FNIP1: variants seen among roughly 807,000 people sequenced by gnomAD.
The protein encoded by FNIP1 is folliculin interacting protein 1.
FNIP1 carries 40 observed loss-of-function variants against 124.5 expected under a neutral mutation model. The ratio of observed to expected loss-of-function variants is 0.32; its 90% CI spans 0.25 to 0.42. The LOEUF (loss-of-function observed/expected upper bound fraction) is 0.42. FNIP1 is among the 10% of genes least tolerant of loss of function. FNIP1 has a pLI of 1.00. For missense variants in FNIP1, 1,176 were observed against 1,403.7 expected, an observed-to-expected ratio of 0.84 and a Z score of 2.59; for synonymous variants, 472 against 470.6, an observed-to-expected ratio of 1.00 and a Z score of -0.04.
intron 1 of FNIP1, among the ~76,000 whole-genome samples, chr5:131,758,046 T>C (rs894095825): frequency 6.6e-6 from 1 of 152,156 alleles, no homozygotes; most frequent in South Asian, 2.1e-4. Flanking sequence ...TAGAAAGAAG[T>C]TGTGACATGG....
rs575521993 is a variant in FNIP1, at chr5:131,710,593, C to T, written c.691G>A (p.Ala231Thr). The T allele has an allele frequency of 1.1e-5, 17 of 1,613,508 alleles. No homozygotes were observed. Among genetic ancestry groups the T allele is most frequent in the East Asian group, 8.9e-5 (4 of 44,864 alleles). Residue 231 changes from alanine to threonine, a missense_variant, in exon 7 of 18, where the codon GCC becomes ACC. Ala to Thr is a moderately conservative substitution (Grantham distance 58, BLOSUM62 0). This residue lies in a region of FNIP1 where 1,109 missense variants were observed against 1,288.5 expected (regional missense o/e 0.86). Transcript: ENST00000510461. ...CATCGCAAACCTGCAAAGAAAGAGG[C>T]GCTCCTGATCAGGCGGAGCGGACCC... is the stretch of plus-strand genomic sequence containing the variant. Reference protein sequence around the residue: ...EQGPLRLIRSASFFAVHSNPM... With the variant: ...EQGPLRLIRSTSFFAVHSNPM...
Position 131,670,521 on chromosome 5 carries a change from A to G in FNIP1, c.3050T>C (p.Ile1017Thr), listed in dbSNP as rs775092311. ...CTGACGGAACCTCTCATCACTCCCA[A>G]TTCCTTGAAGAACAAAGTCAGGCAC... ...SYVPDFVLQG[I>T]GSDERFRQCL... Residue 1017 changes from isoleucine to threonine, a missense_variant, in exon 15 of 18, where the codon ATT becomes ACT. By Grantham distance (89) the Ile-to-Thr change is moderately conservative. Around this residue, in one of 2 missense-constraint regions of FNIP1, gnomAD observed 1,109 missense variants for 1,288.5 expected, o/e 0.86. Coordinates refer to ENST00000510461, the MANE Select transcript of FNIP1 (RefSeq NM_133372.3). 2 of 1,613,698 alleles carry G rather than the reference A, an allele frequency of 1.2e-6. No individual in the cohort carries two copies. Among genetic ancestry groups the G allele is most frequent in the East Asian group, 2.2e-5 (1 of 44,856 alleles).
At chr5:131,683,413 C>A (rs1038806026) in intron 11 of FNIP1, among the ~76,000 whole-genome samples, 27 of 151,836 alleles carry the variant, frequency 1.8e-4, no homozygotes, top group African/African-American at 6.3e-4. Flanking sequence ...ATTAGCCAGG[C>A]GTGGTGGTGG....
chr5:131,729,705 G>A (rs940464071), intron 3 of FNIP1, among the ~76,000 whole-genome samples: 1 of 151,772 alleles, frequency 6.6e-6, no homozygotes, highest in Non-Finnish European at 1.5e-5. Flanking sequence ...AGCCTCCTGA[G>A]TAGCTGGGAC....
At chr5:131,737,323 A>G (rs1028821006) in intron 2 of FNIP1, among the ~76,000 whole-genome samples, 2 of 152,200 alleles carry the variant, frequency 1.3e-5, no homozygotes, top group Non-Finnish European at 2.9e-5. Flanking sequence ...TGATGGGAGA[A>G]TAGTATGTGT....
chr5:131,787,368 C>T (rs988655500), intron 1 of FNIP1, among the ~76,000 whole-genome samples: 3 of 152,018 alleles, frequency 2.0e-5, no homozygotes, highest in African/African-American at 4.8e-5. Flanking sequence ...TGTGAGAACT[C>T]GAGTTTGAAA....
chr5:131,653,001 G>C, intron 15 of FNIP1, among the ~76,000 whole-genome samples: 1 of 152,000 alleles, frequency 6.6e-6, no homozygotes, highest in East Asian at 1.9e-4. Flanking sequence ...AAAGAAACAA[G>C]ACTTATTCAC....
At chr5:131,706,344 A>C in intron 9 of FNIP1, 67 bp downstream of exon 9, 1 of 1,439,140 alleles carries the variant, frequency 6.9e-7, no homozygotes, top group East Asian at 2.4e-5. Flanking sequence ...CAGGTTCTAA[A>C]AAACCCATAT....
intron 1 of FNIP1, among the ~76,000 whole-genome samples, chr5:131,752,593 A>T (rs907364887): frequency 1.3e-5 from 2 of 151,672 alleles, no homozygotes; most frequent in Non-Finnish European, 2.9e-5. Context: ...TGCAATGCAC[A>T]TATCTGATAA....
At chr5:131,676,239 T>C (rs2149516813) in intron 13 of FNIP1, among the ~76,000 whole-genome samples, 1 of 152,250 alleles carries the variant, frequency 6.6e-6, no homozygotes, top group East Asian at 1.9e-4. Flanking sequence ...GGTCTCGATC[T>C]CCTGCCCTCA....
rs1767789355 is a variant in FNIP1 at position 131,672,454 on chromosome 5, T to C, written c.1990A>G (p.Lys664Glu). ...GTTCTTAATTTATCTCTGTACTGTT[T>C]AACATCAACAGCATTTTCTTCTTGG... ...DCQEENAVDVKQYRDKLRTCF... is the reference protein window; with the variant it reads ...DCQEENAVDVEQYRDKLRTCF... Residue 664 changes from lysine (K) to glutamate (E), a missense_variant, in exon 14 of 18, where the codon AAA (lysine) becomes GAA (glutamate). Physicochemically the swap from Lys to Glu is moderately conservative, Grantham distance 56. Around this residue, in one of 2 missense-constraint regions of FNIP1, gnomAD observed 1,109 missense variants for 1,288.5 expected, o/e 0.86. Coordinates refer to ENST00000510461, the MANE Select transcript of FNIP1 (RefSeq NM_133372.3). 1.2e-6 allele frequency: 2 copies of C among 1,613,598 alleles called. No individual in the cohort carries two copies. The highest frequency in any genetic ancestry group is 4.5e-5 in the East Asian group (2 of 44,890).
chr5:131,783,857 C>G (rs1018074944), intron 1 of FNIP1, among the ~76,000 whole-genome samples: 2 of 151,986 alleles, frequency 1.3e-5, no homozygotes, highest in African/African-American at 4.8e-5. Flanking sequence ...AAAGATAGAA[C>G]AAAGACATTT....
intron 1 of FNIP1, among the ~76,000 whole-genome samples, chr5:131,764,784 C>T (rs1266462685): frequency 2.0e-5 from 3 of 151,912 alleles, no homozygotes; most frequent in African/African-American, 4.8e-5. Context: ...TTTGTAGAAT[C>T]GAGGACTAGA....
chr5:131,686,643 A>G (rs1008830570), intron 11 of FNIP1, among the ~76,000 whole-genome samples: 5 of 152,226 alleles, frequency 3.3e-5, no homozygotes, highest in Admixed American at 3.3e-4. Flanking sequence ...GGTATCCACC[A>G]TCTTAAGAAT....
chr5:131,713,326 G>A (rs1769361600), intron 6 of FNIP1, among the ~76,000 whole-genome samples: 2 of 152,130 alleles, frequency 1.3e-5, no homozygotes, highest in South Asian at 2.1e-4. Flanking sequence ...GATTACAGGC[G>A]TGAGCCACCG....
At chr5:131,748,295 A>G (rs1770749816) in intron 1 of FNIP1, among the ~76,000 whole-genome samples, 1 of 152,172 alleles carries the variant, frequency 6.6e-6, no homozygotes, top group Non-Finnish European at 1.5e-5. Flanking sequence ...ACAAAGTATT[A>G]CGCACATGTC....
chr5:131,662,436 G>A (rs1473161568), intron 15 of FNIP1, among the ~76,000 whole-genome samples: 2 of 152,332 alleles, frequency 1.3e-5, no homozygotes, highest in East Asian at 1.9e-4. Flanking sequence ...TAATGACATG[G>A]TTAGTCTTAG....
chr5:131,761,559 T>C (rs1771231740), intron 1 of FNIP1, among the ~76,000 whole-genome samples: 1 of 151,958 alleles, frequency 6.6e-6, no homozygotes, highest in African/African-American at 2.4e-5. Flanking sequence ...ACCAAAGAAG[T>C]GAAAGGTCTC....
rs1469647546 is a variant in FNIP1, at chr5:131,698,796, T to G, written c.1202+121A>C. 6 of 737,794 alleles carry G rather than the reference T, an allele frequency of 8.1e-6. No homozygotes were observed. In the Admixed American group the frequency reaches 1.9e-4, roughly 23 times the overall value. 45.7% of individuals were successfully genotyped at this position (737,794 alleles called of 1,614,324 possible). ...CATAGGAGCCAATGGTCTACTGAAT[T>G]ACACCATCATATGACTATAGGACAA... On this transcript the variant is annotated intron_variant, in intron 11 of 17. Coordinates refer to ENST00000510461, the MANE Select transcript of FNIP1 (RefSeq NM_133372.3).
Sources: allele counts gnomAD v4.1 joint callset (sites outside exome capture counted in the v4.1 genomes callset), GRCh38; gene constraint gnomAD v4.1.1; regional missense constraint gnomAD v4.1.1; transcripts MANE v1.5; gene names NCBI Gene and HGNC (gene_info 2026-07-23, HGNC 2026-07-21).